The following IFT43 variants were observed in gnomAD, a reference collection of about 807,000 sequenced individuals.
IFT43 encodes intraflagellar transport protein 43 homolog.
Under a neutral mutation model 32.3 loss-of-function variants are expected in IFT43, and 33 were observed. The ratio of observed to expected loss-of-function variants is 1.02; its 90% CI spans 0.77 to 1.37. IFT43 has a LOEUF of 1.37. Ranked by LOEUF, IFT43 falls within the 40% of genes most tolerant of loss-of-function variation. IFT43 has a pLI of 0.00. For synonymous variants in IFT43, 93 were observed against 98.2 expected (o/e 0.95, Z 0.31); for missense variants, 274 against 265.9 (o/e 1.03, Z -0.21).
intron 2 of IFT43, among the ~76,000 whole-genome samples, chr14:75,991,070 C>T (rs1275704177): frequency 1.3e-5 from 2 of 152,174 alleles, no homozygotes; most frequent in Admixed American, 1.3e-4. Flanking sequence ...GTGGCTGATG[C>T]TTGTAACCCC....
chr14:76,080,697 A>G lies in IFT43; in HGVS notation c.296-1598A>G, dbSNP rs80344410. The stretch of plus-strand genomic sequence containing the variant: ...CCCTCCATAGGGCCTGTGCAGTCTT[A>G]CCAGCCTGGGGAACGGCATTCTCAG... On this transcript the variant is annotated intron_variant, in intron 5 of 8. Coordinates refer to ENST00000314067, the MANE Select transcript of IFT43 (RefSeq NM_001102564.3). 4.4e-3 allele frequency among the ~76,000 whole-genome samples: 677 copies of G among 152,314 alleles called. 1 individual carries two copies. The highest frequency in any genetic ancestry group is 8.3e-3 in the Non-Finnish European group (565 of 68,020).
At chr14:76,067,580 A>T (rs1005136396) in intron 5 of IFT43, among the ~76,000 whole-genome samples, 1 of 86,446 alleles carries the variant, frequency 1.2e-5, no homozygotes, top group Non-Finnish European at 2.5e-5. Flanking sequence ...AGACTCTCTC[A>T]AAAAAAAAAA....
chr14:76,029,319 TC>T lies in IFT43; in HGVS notation c.215+6926del, dbSNP rs2036463882. Among the ~76,000 whole-genome samples the T allele has an allele frequency of 3.3e-5, 5 of 152,348 alleles. No individual in the cohort carries two copies. The South Asian group carries it at 1.0e-3, about 32-fold the overall frequency. On this transcript the variant is annotated intron_variant, in intron 3 of 8. Transcript: ENST00000314067. ...CCACTTTTTAATGGGGTTATTTTTT[TC>T]TTGTTGATTTGTTTAACTTCCTTAT...
At chr14:76,021,508 A>G (rs2036291535) in intron 2 of IFT43, among the ~76,000 whole-genome samples, 1 of 152,224 alleles carries the variant, frequency 6.6e-6, no homozygotes. Context: ...AAAAGCATAT[A>G]CTTACTGTTT....
At chr14:75,999,281 A>T (rs1243541694) in intron 2 of IFT43, among the ~76,000 whole-genome samples, 5,090 of 37,912 alleles carry the variant, frequency 0.13, 740 homozygotes, top group African/African-American at 0.36. Flanking sequence ...ATGTATATAT[A>T]TTTTTTTTTT....
chr14:76,029,676 A>G (rs971470681), intron 3 of IFT43, among the ~76,000 whole-genome samples: 5 of 151,994 alleles, frequency 3.3e-5, no homozygotes, highest in East Asian at 1.9e-4. Context: ...ATTCTTTTAC[A>G]TATGGTTAGC....
chr14:76,036,834 CCTT>C (rs370703219), intron 3 of IFT43, among the ~76,000 whole-genome samples: 102 of 152,158 alleles, frequency 6.7e-4, no homozygotes, highest in African/African-American at 2.4e-3. Context: ...CTCCCTCCCT[CCTT>C]CTTTTTTAGA....
At chr14:76,005,529 G>A (rs181462917) in intron 2 of IFT43, among the ~76,000 whole-genome samples, 1 of 152,278 alleles carries the variant, frequency 6.6e-6, no homozygotes, top group Non-Finnish European at 1.5e-5. Context: ...GTTTCTTGGA[G>A]TCTCCTTTAT....
intron 3 of IFT43, among the ~76,000 whole-genome samples, chr14:76,024,366 T>A (rs2036350320): frequency 6.6e-6 from 1 of 152,242 alleles, no homozygotes. Flanking sequence ...AATTAAGTCA[T>A]CTCTTGTTTT....
intron 2 of IFT43, among the ~76,000 whole-genome samples, chr14:76,015,834 A>G (rs2036177773): frequency 6.6e-6 from 1 of 152,210 alleles, no homozygotes; most frequent in Non-Finnish European, 1.5e-5. Flanking sequence ...CCGTTAGTAA[A>G]GTGACAGTTC....
intron 2 of IFT43, among the ~76,000 whole-genome samples, chr14:76,010,643 G>C (rs34783716): frequency 6.6e-6 from 1 of 151,344 alleles, no homozygotes; most frequent in African/African-American, 2.4e-5. Context: ...CAAATTATAG[G>C]CATCATAACA....
intron 1 of IFT43, chr14:75,986,261 CTG>C: frequency 7.8e-7 from 1 of 1,283,740 alleles, no homozygotes; most frequent in Non-Finnish European, 1.0e-6. Flanking sequence ...AAAAGCCGCA[CTG>C]TTTTATGCAT....
intron 2 of IFT43, among the ~76,000 whole-genome samples, chr14:75,997,504 A>G (rs538931676): frequency 3.3e-5 from 5 of 152,374 alleles, no homozygotes; most frequent in Non-Finnish European, 5.9e-5. Flanking sequence ...TGGTCAAGAA[A>G]AATCTCCGAG....
chr14:76,048,094 T>G (rs1016779970), intron 3 of IFT43, among the ~76,000 whole-genome samples: 1 of 152,190 alleles, frequency 6.6e-6, no homozygotes, highest in Non-Finnish European at 1.5e-5. Context: ...AGCTAATTAG[T>G]ATAATAGAAT....
At chr14:76,082,442 A>C in intron 6 of IFT43, 75 bp downstream of exon 6, 1 of 476,802 alleles carries the variant, frequency 2.1e-6, no homozygotes, top group Middle Eastern at 3.5e-4. Flanking sequence ...TCTATAGTGG[A>C]CCTTGATGTC....
chr14:76,053,296 G>C (rs2036949593), intron 3 of IFT43, among the ~76,000 whole-genome samples: 1 of 152,098 alleles, frequency 6.6e-6, no homozygotes, highest in Non-Finnish European at 1.5e-5. Context: ...ACAGCACAAA[G>C]GAAGGGTGGG....
rs1014195953 is a variant in IFT43 at position 75,995,593 on chromosome 14, A to C, written c.147+6616A>C. On this transcript the variant is annotated intron_variant, in intron 2 of 8. Coordinates refer to ENST00000314067, the MANE Select transcript of IFT43 (RefSeq NM_001102564.3). Reference sequence around the variant, plus strand: ...GGCCGGAGCTCCCTTGGCACTTTGCATTACGTCTCTCGCCCTCCGCCTGTC... The same window carrying C: ...GGCCGGAGCTCCCTTGGCACTTTGCCTTACGTCTCTCGCCCTCCGCCTGTC... Among the ~76,000 whole-genome samples, 13 of 152,238 alleles carry C rather than the reference A, an allele frequency of 8.5e-5. No homozygotes were observed. In the East Asian group the frequency reaches 2.5e-3, roughly 29 times the overall value.
chr14:76,072,040 C>G (rs928840474), intron 5 of IFT43, among the ~76,000 whole-genome samples: 19 of 152,328 alleles, frequency 1.2e-4, no homozygotes, highest in Admixed American at 1.2e-3. Context: ...AGTTCTGTTG[C>G]TCCTCTCATT....
intron 8 of IFT43, 79 bp from the exon 9 acceptor site, chr14:76,083,379 C>G: frequency 6.2e-7 from 1 of 1,613,318 alleles, no homozygotes; most frequent in Non-Finnish European, 8.5e-7. Context: ...TCCCTGAGGC[C>G]TGGATGGGAG....
Sources: allele counts gnomAD v4.1 joint callset (sites outside exome capture counted in the v4.1 genomes callset), GRCh38; gene constraint gnomAD v4.1.1; transcripts MANE v1.5; gene names NCBI Gene and HGNC (gene_info 2026-07-23, HGNC 2026-07-21).